PPFIBP2: variants seen among roughly 807,000 people sequenced by gnomAD.
PPFIBP2 encodes the protein liprin-beta-2.
Under a neutral mutation model 118.3 loss-of-function variants are expected in PPFIBP2, and 118 were observed. The observed-to-expected ratio is 1.00, with a 90% confidence interval of 0.86 to 1.16. The LOEUF (loss-of-function observed/expected upper bound fraction) is 1.16, where lower values mean the gene tolerates loss of function less well. Among genes scored for constraint, PPFIBP2 ranks in the 50% most tolerant of loss-of-function variants. The probability of loss-of-function intolerance (pLI) is 0.00; values close to 1 mark genes in which losing one functional copy is unlikely to be tolerated. For synonymous variants in PPFIBP2, 414 were observed against 397.4 expected (o/e 1.04, Z -0.50); for missense variants, 1,195 against 1,073.1 (o/e 1.11, Z -1.59).
In PPFIBP2 at chr11:7,653,321, G is replaced by A. The variant is rs777952427; in HGVS notation, c.*103G>A. 11 of 1,537,588 alleles carry A rather than the reference G, an allele frequency of 7.2e-6. No homozygotes were observed. Among genetic ancestry groups the A allele is most frequent in the African/African-American group, 4.1e-5 (3 of 73,288 alleles). On this transcript the variant is annotated 3_prime_UTR_variant, in exon 24 of 24. Coordinates refer to ENST00000299492, the MANE Select transcript of PPFIBP2 (RefSeq NM_003621.5). ...CCCCCGCACGTGTGCATGACTCGCA[G>A]AGAATATTCCAGCAATTGTGTACCC...
At chr11:7,629,607 C>A in intron 10 of PPFIBP2, 73 bp downstream of exon 10, 3 of 1,418,428 alleles carry the variant, frequency 2.1e-6, no homozygotes, top group South Asian at 2.3e-5. Context: ...AGGGGCAGTT[C>A]TGCTAGCAGC....
rs377403520 is a variant in PPFIBP2 at position 7,592,576 on chromosome 11, C to T, written c.280-556C>T. Among the ~76,000 whole-genome samples the T allele has an allele frequency of 4.6e-5, 7 of 152,092 alleles. No individual in the cohort carries two copies. The South Asian group carries it at 8.3e-4, about 18-fold the overall frequency. On this transcript the variant is annotated intron_variant, in intron 3 of 23. Coordinates refer to ENST00000299492, the MANE Select transcript of PPFIBP2 (RefSeq NM_003621.5). ...AGGGTGGGATTGGGGTGGGAAGGGA[C>T]GTGTGAATGAAGGGCCTTGTAGTTG... is the stretch of plus-strand genomic sequence containing the variant.
At chr11:7,644,456 T>C (rs1852669692) in intron 17 of PPFIBP2, among the ~76,000 whole-genome samples, 1 of 152,256 alleles carries the variant, frequency 6.6e-6, no homozygotes, top group Non-Finnish European at 1.5e-5. Flanking sequence ...GCCACATGGC[T>C]GGATCCCACC....
intron 8 of PPFIBP2, among the ~76,000 whole-genome samples, 168 bp downstream of exon 8, chr11:7,626,059 G>C (rs902913334): frequency 5.9e-5 from 9 of 152,248 alleles, no homozygotes; most frequent in African/African-American, 2.2e-4. Flanking sequence ...GGATGCACCA[G>C]TTTGTGTGTT....
At chr11:7,641,161 A>G (rs7125529) in intron 15 of PPFIBP2, 20,976 of 1,061,086 alleles carry the variant, frequency 0.02, 1,470 homozygotes, top group African/African-American at 0.2. Flanking sequence ...GGGACCCACT[A>G]CTGCCTGCGT....
intron 4 of PPFIBP2, chr11:7,597,315 A>G (rs2135318430): frequency 6.5e-7 from 1 of 1,535,644 alleles, no homozygotes; most frequent in East Asian, 2.4e-5. Context: ...TCTTGAGTCT[A>G]TCAAGAGCAG....
chr11:7,632,966 T>C (rs367757003), intron 12 of PPFIBP2, 32 bp downstream of exon 12: 252 of 1,596,018 alleles, frequency 1.6e-4, no homozygotes, highest in Non-Finnish European at 2.0e-4. Flanking sequence ...CCACAGCCAC[T>C]GTGCTCTCAG....
At chr11:7,591,888 A>G (rs1859376111) in intron 3 of PPFIBP2, among the ~76,000 whole-genome samples, 1 of 152,164 alleles carries the variant, frequency 6.6e-6, no homozygotes, top group African/African-American at 2.4e-5. Context: ...TATGCAGTGC[A>G]TTGGGAAGGG....
intron 17 of PPFIBP2, among the ~76,000 whole-genome samples, chr11:7,645,012 G>A (rs539575323): frequency 9.7e-6 from 1 of 103,406 alleles, no homozygotes; most frequent in East Asian, 2.9e-4. Flanking sequence ...GGGCGACAGA[G>A]CAAGACTCCG....
intron 13 of PPFIBP2, 101 bp from the exon 14 acceptor site, chr11:7,635,451 T>G (rs1225363030): frequency 8.5e-7 from 1 of 1,178,596 alleles, no homozygotes; most frequent in Non-Finnish European, 1.3e-6. Flanking sequence ...GGGATGCGCC[T>G]TTCAGATTTA....
chr11:7,622,554 T>C (rs1849478094), intron 7 of PPFIBP2, among the ~76,000 whole-genome samples: 2 of 152,260 alleles, frequency 1.3e-5, no homozygotes, highest in South Asian at 4.1e-4. Flanking sequence ...TATATAAATA[T>C]TTATGTAATC....
At chr11:7,661,420 A>G (rs2136092521), downstream of PPFIBP2, among the ~76,000 whole-genome samples, 1 of 151,838 alleles carries the variant, frequency 6.6e-6, no homozygotes, top group East Asian at 1.9e-4. Context: ...GTAGTCATTC[A>G]GGAGCAGGTT....
At chr11:7,605,722 T>C (rs1847258961) in intron 5 of PPFIBP2, 1 of 1,345,064 alleles carries the variant, frequency 7.4e-7, no homozygotes, top group Non-Finnish European at 9.5e-7. Flanking sequence ...AGTTACTAAG[T>C]AACTAGTGGC....
At chr11:7,651,462 G>A in intron 22 of PPFIBP2, 194 bp from the exon 23 acceptor site, 1 of 529,570 alleles carries the variant, frequency 1.9e-6, no homozygotes, top group Non-Finnish European at 3.3e-6. Context: ...TGGTCAGTCA[G>A]CACATGTGCT....
chr11:7,516,466 G>T (rs541462854), intron 1 of PPFIBP2, among the ~76,000 whole-genome samples: 1 of 152,270 alleles, frequency 6.6e-6, no homozygotes, highest in African/African-American at 2.4e-5. Flanking sequence ...GAATGGTATG[G>T]CCTTTAGACT....
chr11:7,542,107 A>G (rs1385834254), intron 1 of PPFIBP2, among the ~76,000 whole-genome samples: 1 of 152,218 alleles, frequency 6.6e-6, no homozygotes, highest in Non-Finnish European at 1.5e-5. Flanking sequence ...TGTCAACTCT[A>G]TCCTCAGAAC....
downstream of PPFIBP2, chr11:7,655,647 C>A: frequency 1.7e-6 from 1 of 606,052 alleles, no homozygotes; most frequent in Admixed American, 2.7e-5. Context: ...GAGCCAGCCA[C>A]GAGGCAGAAA....
intron 1 of PPFIBP2, among the ~76,000 whole-genome samples, chr11:7,547,934 G>C (rs1852512764): frequency 6.6e-6 from 1 of 151,950 alleles, no homozygotes; most frequent in Non-Finnish European, 1.5e-5. Flanking sequence ...AGTTTATCTG[G>C]TTCTCCCTCC....
At position 7,625,797 on chromosome 11, in the gene PPFIBP2, A is replaced by G. The variant is rs748066734; in HGVS notation, c.732A>G (p.Gln244=). The G allele has an allele frequency of 5.6e-6, 9 of 1,614,240 alleles. No homozygotes were observed. Among genetic ancestry groups the G allele is most frequent in the Non-Finnish European group, 8.5e-7 (1 of 1,180,020 alleles). The change falls in exon 8 of 24, where the codon CAA becomes CAG. Residue 244 remains glutamine, a synonymous_variant. Coordinates refer to ENST00000299492, the MANE Select transcript of PPFIBP2 (RefSeq NM_003621.5). ...KATKAEVAQL[Q]EQVALKDAEI... is the part of the protein sequence containing the mutation. ...TCCAGGCTGAAGTCGCCCAGCTGCA[A>G]GAACAGGTGGCCCTGAAAGATGCAG...
Sources: allele counts gnomAD v4.1 joint callset (sites outside exome capture counted in the v4.1 genomes callset), GRCh38; gene constraint gnomAD v4.1.1; transcripts MANE v1.5; gene names NCBI Gene and HGNC (gene_info 2026-07-23, HGNC 2026-07-21).